CSMD1: variants seen among roughly 807,000 people sequenced by gnomAD.
The protein encoded by CSMD1 is CUB and sushi domain-containing protein 1.
CSMD1 carries 213 observed loss-of-function variants against 417.5 expected under a neutral mutation model. The observed-to-expected ratio is 0.51, with a 90% CI of 0.46 to 0.57. The LOEUF is 0.57. CSMD1 is among the 20% of genes least tolerant of loss of function. The pLI, the probability that CSMD1 is intolerant of heterozygous loss-of-function variation, is 0.00. For synonymous variants in CSMD1, 2,862 were observed against 1,736.8 expected (o/e 1.65, Z -16.11); for missense variants, 6,923 against 4,529.7 (o/e 1.53, Z -15.17).
chr8:4,527,814 G>A (rs770153211), intron 2 of CSMD1, among the ~76,000 whole-genome samples: 1 of 152,184 alleles, frequency 6.6e-6, no homozygotes, highest in Non-Finnish European at 1.5e-5. Flanking sequence ...TAATGCAGAA[G>A]TTAGAAAGAT....
intron 25 of CSMD1, among the ~76,000 whole-genome samples, chr8:3,295,949 T>C (rs1332835963): frequency 6.6e-6 from 1 of 152,220 alleles, no homozygotes; most frequent in African/African-American, 2.4e-5. Flanking sequence ...ATCTGCCAAG[T>C]TGAGTCCTGC....
chr8:3,850,573 T>G (rs1803830945), intron 5 of CSMD1, among the ~76,000 whole-genome samples: 1 of 152,066 alleles, frequency 6.6e-6, no homozygotes, highest in African/African-American at 2.4e-5. Context: ...CTCTCACCTG[T>G]TTTCCCAGCT....
chr8:3,345,711 G>C (rs958172572), intron 22 of CSMD1, among the ~76,000 whole-genome samples: 1 of 152,176 alleles, frequency 6.6e-6, no homozygotes, highest in African/African-American at 2.4e-5. Flanking sequence ...CCTCCTCAGA[G>C]TTCAGCATTT....
chr8:3,711,529 G>T (rs1211523687), intron 6 of CSMD1, among the ~76,000 whole-genome samples: 1 of 152,306 alleles, frequency 6.6e-6, no homozygotes, highest in East Asian at 1.9e-4. Context: ...TTGCTCTGGT[G>T]CAACCACGGC....
At chr8:4,201,134 T>C (rs1328912547) in intron 3 of CSMD1, among the ~76,000 whole-genome samples, 1 of 152,178 alleles carries the variant, frequency 6.6e-6, no homozygotes, top group Non-Finnish European at 1.5e-5. Context: ...CAATTACAGA[T>C]ACCTTTGTAG....
intron 5 of CSMD1, among the ~76,000 whole-genome samples, chr8:3,992,898 A>G (rs1296249427): frequency 6.6e-6 from 1 of 152,262 alleles, no homozygotes; most frequent in Non-Finnish European, 1.5e-5. Flanking sequence ...TGCTTTTCCA[A>G]AGCCATTTTT....
intron 22 of CSMD1, 90 bp from the exon 23 acceptor site, chr8:3,343,540 G>C: frequency 8.4e-7 from 1 of 1,189,602 alleles, no homozygotes; most frequent in Non-Finnish European, 1.2e-6. Context: ...CTTCAAAGAT[G>C]CAGTTTTAAA....
intron 3 of CSMD1, among the ~76,000 whole-genome samples, chr8:4,278,513 G>C (rs754127595): frequency 1.3e-5 from 2 of 152,124 alleles, no homozygotes; most frequent in Non-Finnish European, 2.9e-5. Flanking sequence ...AAGTAATTGT[G>C]AGTTTTACCA....
chr8:4,186,260 A>T (rs55864563), intron 3 of CSMD1, among the ~76,000 whole-genome samples: 1 of 152,084 alleles, frequency 6.6e-6, no homozygotes. Context: ...AGCAGAGGGG[A>T]AAGTGTAAAA....
intron 23 of CSMD1, among the ~76,000 whole-genome samples, chr8:3,327,107 T>C (rs1806582239): frequency 6.6e-6 from 1 of 151,252 alleles, no homozygotes; most frequent in African/African-American, 2.4e-5. Context: ...TCCTCCTGTC[T>C]CATCATTGGC....
At chr8:4,182,036 G>T (rs1007213144) in intron 3 of CSMD1, among the ~76,000 whole-genome samples, 1 of 118,666 alleles carries the variant, frequency 8.4e-6, no homozygotes, top group African/African-American at 2.8e-5. Context: ...GTGTGTGTGT[G>T]TGTGTGTCGG....
chr8:4,305,444 A>G (rs1333475761), intron 3 of CSMD1, among the ~76,000 whole-genome samples: 3 of 152,192 alleles, frequency 2.0e-5, no homozygotes, highest in Non-Finnish European at 4.4e-5. Context: ...AAAGTAAGGT[A>G]AGCCACTGAG....
rs951216823 is a variant in CSMD1 at position 4,705,396 on chromosome 8, G to T, written c.86-67838C>A. Among the ~76,000 whole-genome samples the T allele has an allele frequency of 2.6e-5, 4 of 152,154 alleles. No individual in the cohort carries two copies. In the East Asian group the frequency reaches 7.7e-4, roughly 29 times the overall value. ...ACAACCCAGCGTCTATCAAGAACATGCATAGTCATCCAAAGACACAAAACC... is the reference window on the plus strand; with the variant it reads ...ACAACCCAGCGTCTATCAAGAACATTCATAGTCATCCAAAGACACAAAACC... On this transcript the variant is annotated intron_variant, in intron 1 of 69. Coordinates refer to ENST00000635120, the MANE Select transcript of CSMD1 (RefSeq NM_033225.6).
At chr8:4,787,261 T>A in intron 1 of CSMD1, 1 of 575,158 alleles carries the variant, frequency 1.7e-6, no homozygotes, top group South Asian at 2.0e-5. Flanking sequence ...AGATGCTCTC[T>A]GATCACCCCT....
At chr8:4,465,285 C>G (rs1462004268) in intron 2 of CSMD1, among the ~76,000 whole-genome samples, 1 of 152,110 alleles carries the variant, frequency 6.6e-6, no homozygotes, top group African/African-American at 2.4e-5. Flanking sequence ...GACCCAGGTG[C>G]TAACCCAGAC....
At chr8:4,646,900 T>C (rs950964334) in intron 1 of CSMD1, among the ~76,000 whole-genome samples, 1 of 152,182 alleles carries the variant, frequency 6.6e-6, no homozygotes, top group African/African-American at 2.4e-5. Flanking sequence ...TATGAGCAGA[T>C]TTTTTTAACC....
intron 37 of CSMD1, among the ~76,000 whole-genome samples, chr8:3,175,119 A>G (rs1245828142): frequency 6.6e-6 from 1 of 152,186 alleles, no homozygotes; most frequent in East Asian, 1.9e-4. Context: ...AATCAGGTAA[A>G]ACAGTAAAAT....
At chr8:3,949,131 G>T (rs1464061436) in intron 5 of CSMD1, among the ~76,000 whole-genome samples, 2 of 152,040 alleles carry the variant, frequency 1.3e-5, no homozygotes, top group Non-Finnish European at 2.9e-5. Flanking sequence ...TTAAAATATG[G>T]ATGCATTGTG....
intron 3 of CSMD1, among the ~76,000 whole-genome samples, chr8:4,220,503 A>T (rs528415984): frequency 3.9e-5 from 6 of 152,240 alleles, no homozygotes; most frequent in African/African-American, 1.4e-4. Context: ...TGTAAGAAAT[A>T]TCTAATCCTA....
Sources: gnomAD v4.1 joint callset for allele counts (sites outside exome capture counted in the v4.1 genomes callset) on GRCh38, gnomAD v4.1.1 for gene constraint, MANE v1.5 for transcripts, NCBI Gene and HGNC (gene_info 2026-07-23, HGNC 2026-07-21) for gene names.